The following RBBP8 variants were observed in gnomAD, a reference collection of about 807,000 sequenced individuals.
RBBP8 encodes the protein RB binding protein 8, endonuclease.
Under a neutral mutation model 108.3 loss-of-function variants are expected in RBBP8, and 88 were observed. The ratio of observed to expected loss-of-function variants is 0.81; its 90% CI spans 0.68 to 0.97. The LOEUF is 0.97. Ranked by LOEUF, RBBP8 falls within the 50% of genes least tolerant of loss-of-function variation. The pLI is 0.00. For missense variants in RBBP8, 1,023 were observed against 1,049.0 expected (o/e 0.98, Z 0.34); for synonymous variants, 332 against 348.2 (o/e 0.95, Z 0.52).
chr18:22,991,040 A>T lies in RBBP8; in HGVS notation c.911A>T (p.Asp304Val). ...PFEESTRNTE[D>V]SLRFSDSTSK... Reference sequence around the variant, plus strand: ...GAGGAATCTACAAGAAATACTGAAGATAGTTTAAGGTAATTAAGGGCACGT... The same window carrying T: ...GAGGAATCTACAAGAAATACTGAAGTTAGTTTAAGGTAATTAAGGGCACGT... The change falls in exon 10 of 19, where the codon GAT becomes GTT. Residue 304 changes from aspartate to valine, a missense_variant. Asp to Val is a radical substitution (Grantham distance 152). Transcript: ENST00000327155. The T allele has an allele frequency of 6.2e-7, 1 of 1,609,816 alleles. No individual in the cohort carries two copies. Among genetic ancestry groups the T allele is most frequent in the Non-Finnish European group, 8.5e-7 (1 of 1,176,510 alleles).
At chr18:22,914,573 C>G (rs1216979249) in intron 1 of RBBP8, among the ~76,000 whole-genome samples, 1 of 152,054 alleles carries the variant, frequency 6.6e-6, no homozygotes, top group East Asian at 1.9e-4. Context: ...AATAATTTTG[C>G]CAAATAAATT....
At chr18:22,933,197 G>A (rs989810662), upstream of RBBP8, 12 of 152,294 alleles carry the variant, frequency 7.9e-5, no homozygotes, top group African/African-American at 2.4e-4. Context: ...CAGCTCCGAG[G>A]TAGCGCTCCC....
intron 14 of RBBP8, among the ~76,000 whole-genome samples, chr18:22,999,145 A>C (rs541838198): frequency 1.3e-5 from 2 of 152,348 alleles, no homozygotes; most frequent in Non-Finnish European, 2.9e-5. Flanking sequence ...GAAATTATAG[A>C]GATAATTTTG....
intron 16 of RBBP8, among the ~76,000 whole-genome samples, chr18:23,016,567 G>A (rs1365364840): frequency 1.3e-5 from 2 of 152,058 alleles, no homozygotes; most frequent in Non-Finnish European, 2.9e-5. Context: ...TTTCTGTGAA[G>A]GACATTATTG....
chr18:22,914,363 G>A (rs1027876693), intron 1 of RBBP8: 10 of 152,196 alleles, frequency 6.6e-5, no homozygotes, highest in African/African-American at 2.4e-4. Flanking sequence ...GTTAAATTAA[G>A]AAATGATGTT....
chr18:22,998,375 T>C (rs1055255526), intron 14 of RBBP8, among the ~76,000 whole-genome samples: 2 of 152,198 alleles, frequency 1.3e-5, no homozygotes, highest in African/African-American at 4.8e-5. Flanking sequence ...AAATTAGTGG[T>C]CTACAGCCCT....
At chr18:22,935,055 A>G (rs927381601) in intron 1 of RBBP8, among the ~76,000 whole-genome samples, 4 of 150,460 alleles carry the variant, frequency 2.7e-5, no homozygotes, top group African/African-American at 9.7e-5. Flanking sequence ...TCACAATTAT[A>G]TATAGGCCCA....
At chr18:23,008,142 C>T (rs1364099800) in intron 16 of RBBP8, among the ~76,000 whole-genome samples, 1 of 152,162 alleles carries the variant, frequency 6.6e-6, no homozygotes, top group East Asian at 1.9e-4. Context: ...ATAATGCGAC[C>T]TTCTGCCTTT....
chr18:23,021,767 G>A lies in RBBP8; in HGVS notation c.2455-362G>A, dbSNP rs369021416. Reference sequence around the variant, plus strand: ...CTGGCCTAATAAGGATAAAGACTTTGTACCAGTGTATAAATCAGCTGTATC... The same window carrying A: ...CTGGCCTAATAAGGATAAAGACTTTATACCAGTGTATAAATCAGCTGTATC... On this transcript the variant is annotated intron_variant, in intron 17 of 18. Coordinates refer to ENST00000327155, the MANE Select transcript of RBBP8 (RefSeq NM_002894.3). Among the ~76,000 whole-genome samples, 149 of 150,080 alleles carry A rather than the reference G, an allele frequency of 9.9e-4. 3 individuals carry two copies. In the South Asian group the frequency reaches 0.03, roughly 31 times the overall value.
At chr18:22,989,375 A>G in intron 9 of RBBP8, 57 bp downstream of exon 9, 5 of 1,254,684 alleles carry the variant, frequency 4.0e-6, no homozygotes, top group East Asian at 2.4e-5. Flanking sequence ...TTTTTAGGTC[A>G]GTTCTTAGAG....
intron 16 of RBBP8, among the ~76,000 whole-genome samples, chr18:23,007,519 A>G (rs1316669052): frequency 6.6e-6 from 1 of 151,262 alleles, no homozygotes; most frequent in African/African-American, 2.4e-5. Context: ...CCTGGATAAC[A>G]TGGTGAAACC....
At chr18:22,965,850 T>C (rs1350893500) in intron 4 of RBBP8, among the ~76,000 whole-genome samples, 1 of 152,244 alleles carries the variant, frequency 6.6e-6, no homozygotes, top group African/African-American at 2.4e-5. Context: ...GCATTTTCTG[T>C]GATCGTGGAA....
intron 6 of RBBP8, chr18:22,977,965 CTG>C (rs765891410): frequency 1.6e-4 from 25 of 152,138 alleles, no homozygotes; most frequent in Non-Finnish European, 2.5e-4. Context: ...ACTCTTCAAA[CTG>C]TGAATTTTTA....
intron 2 of RBBP8, among the ~76,000 whole-genome samples, chr18:22,941,319 G>T (rs927875920): frequency 6.6e-6 from 1 of 151,924 alleles, no homozygotes; most frequent in Non-Finnish European, 1.5e-5. Flanking sequence ...CTACAGGCAC[G>T]CACCACCACT....
chr18:22,980,393 T>C (rs1914823393), intron 6 of RBBP8, among the ~76,000 whole-genome samples: 1 of 152,146 alleles, frequency 6.6e-6, no homozygotes, highest in Non-Finnish European at 1.5e-5. Flanking sequence ...AACGGTAAAA[T>C]TCCAGCAGAC....
chr18:23,014,059 C>T (rs1156818311), intron 16 of RBBP8, among the ~76,000 whole-genome samples: 1 of 152,006 alleles, frequency 6.6e-6, no homozygotes, highest in East Asian at 1.9e-4. Flanking sequence ...GAGTGAATGG[C>T]GCGATCTTGG....
At chr18:22,978,590 TTC>T (rs1490511443) in intron 6 of RBBP8, among the ~76,000 whole-genome samples, 2 of 151,978 alleles carry the variant, frequency 1.3e-5, no homozygotes, top group Non-Finnish European at 2.9e-5. Context: ...TCGTGACTCA[TTC>T]ATGTTTCAGG....
At chr18:23,011,454 T>C (rs894370396) in intron 16 of RBBP8, among the ~76,000 whole-genome samples, 2 of 151,162 alleles carry the variant, frequency 1.3e-5, no homozygotes, top group African/African-American at 4.9e-5. Context: ...TTTTTTTTTT[T>C]CGAGACAGAG....
intron 4 of RBBP8, among the ~76,000 whole-genome samples, chr18:22,960,463 T>C (rs938024863): frequency 6.6e-6 from 1 of 152,122 alleles, no homozygotes; most frequent in African/African-American, 2.4e-5. Context: ...GGAGGATCAC[T>C]TGAGCCCAGG....
Sources: allele counts gnomAD v4.1 joint callset (sites outside exome capture counted in the v4.1 genomes callset), GRCh38; gene constraint gnomAD v4.1.1; transcripts MANE v1.5; gene names NCBI Gene and HGNC (gene_info 2026-07-23, HGNC 2026-07-21).